PTPRD: variants seen among roughly 807,000 people sequenced by gnomAD.
The protein encoded by PTPRD is protein tyrosine phosphatase receptor type D.
In PTPRD, 34 loss-of-function variants were observed where a neutral mutation model predicts 214.5. The ratio of observed to expected loss-of-function variants is 0.16; its 90% CI spans 0.12 to 0.21. The LOEUF (loss-of-function observed/expected upper bound fraction) is 0.21, where lower values mean the gene tolerates loss of function less well. Ranked by LOEUF, PTPRD falls within the 10% of genes least tolerant of loss-of-function variation. The probability of loss-of-function intolerance (pLI) is 1.00; values close to 1 mark genes in which losing one functional copy is unlikely to be tolerated. For synonymous variants in PTPRD, 1,128 were observed against 845.7 expected (o/e 1.33, Z -5.79); for missense variants, 2,545 against 2,398.7 (o/e 1.06, Z -1.27).
intron 4 of PTPRD, among the ~76,000 whole-genome samples, chr9:10,005,978 C>A (rs2096465125): frequency 1.3e-5 from 2 of 151,826 alleles, no homozygotes; most frequent in African/African-American, 2.4e-5. Flanking sequence ...TTCAAAAATG[C>A]TTATGACATA....
At chr9:8,592,722 G>A (rs75828037) in intron 14 of PTPRD, among the ~76,000 whole-genome samples, 1 of 152,148 alleles carries the variant, frequency 6.6e-6, no homozygotes, top group African/African-American at 2.4e-5. Flanking sequence ...GCACATAAGG[G>A]TTGCTGTGCT....
intron 10 of PTPRD, among the ~76,000 whole-genome samples, chr9:9,047,870 A>G (rs1187675939): frequency 1.3e-5 from 2 of 152,152 alleles, no homozygotes; most frequent in Non-Finnish European, 2.9e-5. Flanking sequence ...CAAAGCAGAA[A>G]TGGACAAATT....
At chr9:8,409,673 G>C (rs1028460242) in intron 35 of PTPRD, among the ~76,000 whole-genome samples, 2 of 152,034 alleles carry the variant, frequency 1.3e-5, no homozygotes, top group Admixed American at 1.3e-4. Flanking sequence ...ATTCAAATGT[G>C]CAAAACACCA....
chr9:8,467,655 T>A (rs2096569911), intron 31 of PTPRD, among the ~76,000 whole-genome samples: 1 of 151,906 alleles, frequency 6.6e-6, no homozygotes, highest in Admixed American at 6.6e-5. Context: ...GGAAATATAA[T>A]GTTTAAGCTC....
intron 11 of PTPRD, among the ~76,000 whole-genome samples, chr9:8,845,075 A>G (rs916499578): frequency 6.6e-6 from 1 of 152,040 alleles, no homozygotes; most frequent in Non-Finnish European, 1.5e-5. Context: ...TGCATTTAGC[A>G]TAGTTTAATG....
intron 14 of PTPRD, among the ~76,000 whole-genome samples, chr9:8,602,579 GT>G (rs2154278548): frequency 6.6e-6 from 1 of 152,288 alleles, no homozygotes; most frequent in East Asian, 1.9e-4. Flanking sequence ...GAATCAGCAT[GT>G]TTTTATCTGA....
chr9:9,828,618 T>C (rs541696763), intron 5 of PTPRD, among the ~76,000 whole-genome samples: 27 of 152,132 alleles, frequency 1.8e-4, no homozygotes, highest in African/African-American at 6.5e-4. Context: ...AACCTACACG[T>C]TGTGCACGTG....
chr9:10,570,989 C>A (rs1417160793), intron 2 of PTPRD, among the ~76,000 whole-genome samples: 1 of 151,942 alleles, frequency 6.6e-6, no homozygotes, highest in African/African-American at 2.4e-5. Flanking sequence ...CAGTGTGCAG[C>A]AGAATATACC....
At chr9:9,130,781 C>A (rs562067149) in intron 10 of PTPRD, among the ~76,000 whole-genome samples, 1 of 152,190 alleles carries the variant, frequency 6.6e-6, no homozygotes, top group South Asian at 2.1e-4. Flanking sequence ...GGTTGCTGAG[C>A]TATTTTGGGG....
intron 5 of PTPRD, among the ~76,000 whole-genome samples, chr9:9,933,949 G>A (rs1244298803): frequency 1.4e-5 from 2 of 145,108 alleles, no homozygotes; most frequent in African/African-American, 2.8e-5. Context: ...CAACTACATG[G>A]AAACTGAACA....
chr9:9,289,213 T>G (rs748188048), intron 9 of PTPRD, among the ~76,000 whole-genome samples: 47 of 151,842 alleles, frequency 3.1e-4, no homozygotes, highest in Non-Finnish European at 5.3e-4. Flanking sequence ...AACACCATCC[T>G]TCAAAAATTT....
chr9:8,355,415 T>C (rs7864233), intron 39 of PTPRD, among the ~76,000 whole-genome samples: 6,524 of 115,412 alleles, frequency 0.057, 470 homozygotes, highest in African/African-American at 0.17. Flanking sequence ...TTTTAGAATA[T>C]TTTGGTCTAT....
At chr9:8,831,511 A>G (rs1342767184) in intron 11 of PTPRD, among the ~76,000 whole-genome samples, 1 of 152,230 alleles carries the variant, frequency 6.6e-6, no homozygotes, top group African/African-American at 2.4e-5. Context: ...ACAATTAAAA[A>G]GCAAATCCCA....
chr9:10,186,151 A>T (rs1210655468), intron 3 of PTPRD, among the ~76,000 whole-genome samples: 1 of 152,096 alleles, frequency 6.6e-6, no homozygotes, highest in Non-Finnish European at 1.5e-5. Flanking sequence ...CTTTTGATAC[A>T]ATCCAGACTA....
intron 3 of PTPRD, among the ~76,000 whole-genome samples, chr9:10,339,679 G>A (rs566991303): frequency 5.3e-5 from 8 of 151,712 alleles, no homozygotes; most frequent in Non-Finnish European, 7.4e-5. Flanking sequence ...ATAGAAACCC[G>A]GGTGATTACA....
intron 2 of PTPRD, among the ~76,000 whole-genome samples, chr9:10,468,597 T>G (rs2099009985): frequency 6.6e-6 from 1 of 152,086 alleles, no homozygotes; most frequent in African/African-American, 2.4e-5. Flanking sequence ...TGTATACCTA[T>G]GTAACTAACC....
intron 11 of PTPRD, among the ~76,000 whole-genome samples, chr9:8,773,142 C>G (rs1452016706): frequency 1.3e-5 from 2 of 152,114 alleles, no homozygotes; most frequent in East Asian, 1.9e-4. Flanking sequence ...GAGATTGTTT[C>G]CTTTAGTCTT....
At chr9:8,440,620 G>A (rs2095516309) in intron 34 of PTPRD, among the ~76,000 whole-genome samples, 1 of 152,178 alleles carries the variant, frequency 6.6e-6, no homozygotes, top group Non-Finnish European at 1.5e-5. Context: ...ACCCATAAAT[G>A]CATTTTAAAG....
At chr9:10,470,041 C>T (rs1030699444) in intron 2 of PTPRD, among the ~76,000 whole-genome samples, 2 of 151,504 alleles carry the variant, frequency 1.3e-5, no homozygotes, top group Admixed American at 1.3e-4. Context: ...CGTTGGTTAA[C>T]AGGTAGTGTT....
Sources: allele counts gnomAD v4.1 joint callset (sites outside exome capture counted in the v4.1 genomes callset), GRCh38; gene constraint gnomAD v4.1.1; transcripts MANE v1.5; gene names NCBI Gene and HGNC (gene_info 2026-07-23, HGNC 2026-07-21).